DTNBP1: variants seen among roughly 807,000 people sequenced by gnomAD.
DTNBP1 encodes the protein dystrobrevin binding protein 1.
Under a neutral mutation model 42.8 loss-of-function variants are expected in DTNBP1, and 35 were observed. That is an observed-to-expected ratio of 0.82 (90% CI 0.63 to 1.09). The LOEUF (loss-of-function observed/expected upper bound fraction) is 1.09, where lower values mean the gene tolerates loss of function less well. DTNBP1 is among the 50% of genes least tolerant of loss of function. DTNBP1 has a pLI of 0.00. For synonymous variants in DTNBP1, 171 were observed against 162.2 expected (o/e 1.05, Z -0.41); for missense variants, 457 against 424.2 (o/e 1.08, Z -0.68).
intron 3 of DTNBP1, among the ~76,000 whole-genome samples, chr6:15,639,575 C>T (rs1760219042): frequency 6.6e-6 from 1 of 152,204 alleles, no homozygotes; most frequent in Non-Finnish European, 1.5e-5. Context: ...ACAAATAATA[C>T]AGTCCTGCTG....
intron 4 of DTNBP1, among the ~76,000 whole-genome samples, chr6:15,634,548 C>T (rs1759893825): frequency 6.6e-6 from 1 of 152,150 alleles, no homozygotes; most frequent in Non-Finnish European, 1.5e-5. Flanking sequence ...GAACTCCTGA[C>T]TTCAAGTGAT....
Position 15,652,127 on chromosome 6 carries a change from T to G in DTNBP1, c.70A>C (p.Ser24Arg), listed in dbSNP as rs779025293. 11 of 1,611,462 alleles carry G rather than the reference T, an allele frequency of 6.8e-6. No individual in the cohort carries two copies. Among genetic ancestry groups the G allele is most frequent in the Non-Finnish European group, 8.5e-6 (10 of 1,178,088 alleles). Residue 24 changes from serine to arginine, a missense_variant, in exon 2 of 10, where the codon AGT becomes CGT. Coordinates refer to ENST00000344537, the MANE Select transcript of DTNBP1 (RefSeq NM_032122.5). ...ACTTTTGCTTCTCTTGACTTGTCAC[T>G]TAAAGTCTTCAGCCTATAATTCAAT... is the stretch of plus-strand genomic sequence containing the variant. Reference protein sequence around the residue: ...QDFTSGLKTLSDKSREAKVKS... With the variant: ...QDFTSGLKTLRDKSREAKVKS...
intron 7 of DTNBP1, among the ~76,000 whole-genome samples, chr6:15,558,514 G>A (rs924354859): frequency 1.4e-4 from 22 of 152,004 alleles, no homozygotes; most frequent in African/African-American, 4.6e-4. Context: ...TGATCCACCC[G>A]CCTAAGCCTC....
intron 8 of DTNBP1, among the ~76,000 whole-genome samples, chr6:15,530,462 C>T (rs1211759184): frequency 6.6e-6 from 1 of 152,218 alleles, no homozygotes; most frequent in Non-Finnish European, 1.5e-5. Context: ...CTTTGAGATA[C>T]TCAAAACCAC....
intron 7 of DTNBP1, among the ~76,000 whole-genome samples, chr6:15,544,438 CT>C (rs1773757292): frequency 6.6e-6 from 1 of 152,164 alleles, no homozygotes; most frequent in Admixed American, 6.5e-5. Flanking sequence ...AGTGCAACTG[CT>C]GGGTCATACG....
chr6:15,598,615 T>C (rs1776603502), intron 6 of DTNBP1, among the ~76,000 whole-genome samples: 1 of 149,416 alleles, frequency 6.7e-6, no homozygotes, highest in Non-Finnish European at 1.5e-5. Context: ...GCATCTACCA[T>C]TCATCACCAA....
At chr6:15,660,964 AAAG>A (rs1243643446) in intron 1 of DTNBP1, among the ~76,000 whole-genome samples, 2 of 152,172 alleles carry the variant, frequency 1.3e-5, no homozygotes, top group Non-Finnish European at 2.9e-5. Context: ...TACGCTCTGA[AAAG>A]AAGGTACTTT....
chr6:15,580,992 G>C (rs1287084361), intron 7 of DTNBP1, among the ~76,000 whole-genome samples: 1 of 152,138 alleles, frequency 6.6e-6, no homozygotes, highest in Non-Finnish European at 1.5e-5. Flanking sequence ...AAAGGTCAAG[G>C]AACTACAACT....
intron 7 of DTNBP1, among the ~76,000 whole-genome samples, chr6:15,558,560 C>A (rs1384921434): frequency 6.6e-6 from 1 of 152,198 alleles, no homozygotes; most frequent in Admixed American, 6.5e-5. Context: ...AGCCAACATG[C>A]CCGGCCTCTG....
intron 6 of DTNBP1, among the ~76,000 whole-genome samples, chr6:15,613,461 G>A (rs1758546198): frequency 6.9e-6 from 1 of 145,162 alleles, no homozygotes. Flanking sequence ...GCGCCTCCCG[G>A]GTTCATGCCA....
In DTNBP1 at chr6:15,546,476, A is replaced by T. The variant is rs565425587; in HGVS notation, c.512-13081T>A. Among the ~76,000 whole-genome samples the T allele has an allele frequency of 2.2e-4, 33 of 152,272 alleles. 1 individual carries two copies. Among genetic ancestry groups the T allele is most frequent in the African/African-American group, 7.2e-4 (30 of 41,544 alleles). On this transcript the variant is annotated intron_variant, in intron 7 of 9. Coordinates refer to ENST00000344537, the MANE Select transcript of DTNBP1 (RefSeq NM_032122.5). ...TTTAGTATAATTATATGAATATCAG[A>T]TTAGCATTAAGGAATCTAAGACCTT...
rs537248728 is a variant in DTNBP1, at chr6:15,523,478, T to C, written c.812-259A>G. 1.1e-4 allele frequency: 137 copies of C among 1,295,198 alleles called. No individual in the cohort carries two copies. In the East Asian group the frequency reaches 3.8e-3, roughly 36 times the overall value. The allele number at this position is 1,295,198 out of a possible 1,614,324, so 80.2% of individuals were successfully genotyped here. ...GACACAGATCAAGTGCTCCTAAGGCTGTAATACGCGTGTAATAGAGGCCCA... is the reference window on the plus strand; with the variant it reads ...GACACAGATCAAGTGCTCCTAAGGCCGTAATACGCGTGTAATAGAGGCCCA... On this transcript the variant is annotated intron_variant, in intron 9 of 9. Coordinates refer to ENST00000344537, the MANE Select transcript of DTNBP1 (RefSeq NM_032122.5).
chr6:15,568,918 G>C (rs1775215326), intron 7 of DTNBP1, among the ~76,000 whole-genome samples: 2 of 152,156 alleles, frequency 1.3e-5, no homozygotes, highest in African/African-American at 4.8e-5. Context: ...AGTTATACAA[G>C]GATTTCCATT....
At chr6:15,557,437 G>T (rs1290376275) in intron 7 of DTNBP1, among the ~76,000 whole-genome samples, 1 of 152,058 alleles carries the variant, frequency 6.6e-6, no homozygotes, top group Non-Finnish European at 1.5e-5. Context: ...ATTGAATATT[G>T]AAATAAAAGC....
intron 7 of DTNBP1, among the ~76,000 whole-genome samples, chr6:15,577,471 C>T (rs1775631704): frequency 6.6e-6 from 1 of 152,216 alleles, no homozygotes; most frequent in South Asian, 2.1e-4. Flanking sequence ...TTGTGGGCAG[C>T]ACTGGCTGGA....
At chr6:15,581,058 C>G (rs1462759065) in intron 7 of DTNBP1, among the ~76,000 whole-genome samples, 2 of 152,210 alleles carry the variant, frequency 1.3e-5, no homozygotes, top group Non-Finnish European at 2.9e-5. Context: ...CACGTAAACA[C>G]CTTCAGGACT....
chr6:15,660,342 A>G (rs1460716039), intron 1 of DTNBP1: 4 of 1,289,490 alleles, frequency 3.1e-6, no homozygotes, highest in Admixed American at 2.3e-5. Flanking sequence ...CTGAATATGG[A>G]AAAGTTTAAC....
At chr6:15,595,782 G>C (rs1226402222) in intron 6 of DTNBP1, among the ~76,000 whole-genome samples, 1 of 152,212 alleles carries the variant, frequency 6.6e-6, no homozygotes, top group Non-Finnish European at 1.5e-5. Context: ...TTATATTTAG[G>C]AAACAGACTT....
intron 7 of DTNBP1, among the ~76,000 whole-genome samples, chr6:15,551,466 C>G (rs1308689113): frequency 6.6e-6 from 1 of 152,166 alleles, no homozygotes; most frequent in Non-Finnish European, 1.5e-5. Context: ...GAAGGACACA[C>G]AGCCAACACC....
Sources: allele counts gnomAD v4.1 joint callset (sites outside exome capture counted in the v4.1 genomes callset), GRCh38; gene constraint gnomAD v4.1.1; transcripts MANE v1.5; gene names NCBI Gene and HGNC (gene_info 2026-07-23, HGNC 2026-07-21).